Variants in DCC observed in about 807,000 individuals in gnomAD.
DCC encodes the protein DCC netrin 1 receptor.
A neutral mutation model predicts 172.5 loss-of-function variants in DCC; 58 were observed. The observed-to-expected ratio is 0.34, with a 90% CI of 0.27 to 0.42. The LOEUF (loss-of-function observed/expected upper bound fraction) is 0.42. Ranked by LOEUF, DCC falls within the 10% of genes least tolerant of loss-of-function variation. The probability of loss-of-function intolerance (pLI) is 1.00; values close to 1 mark genes in which losing one functional copy is unlikely to be tolerated. For synonymous variants in DCC, 709 were observed against 644.5 expected, an observed-to-expected ratio of 1.10 and a Z score of -1.52; for missense variants, 1,740 against 1,791.0, an observed-to-expected ratio of 0.97 and a Z score of 0.51.
chr18:52,918,895 G>C (rs894220288), intron 3 of DCC, among the ~76,000 whole-genome samples: 2 of 152,088 alleles, frequency 1.3e-5, no homozygotes, highest in African/African-American at 2.4e-5. Context: ...ATATATTTCA[G>C]TTATTTTTTG....
intron 2 of DCC, among the ~76,000 whole-genome samples, chr18:52,896,977 C>A (rs2039740847): frequency 6.6e-6 from 1 of 152,138 alleles, no homozygotes; most frequent in Admixed American, 6.6e-5. Context: ...CACCAGGGGT[C>A]CTGAGGATAT....
At chr18:53,091,839 CTATCTATCTATCAATCTATCTATA>C (rs1251118039) in intron 7 of DCC, among the ~76,000 whole-genome samples, 1,435 of 92,500 alleles carry the variant, frequency 0.016, 35 homozygotes, top group African/African-American at 0.058. Flanking sequence ...ATCTATCTAT[CTATCTATCTATCAATCTATCTATA>C]TATATATATA....
At chr18:52,935,180 T>C (rs1399216330) in intron 5 of DCC, among the ~76,000 whole-genome samples, 2 of 136,170 alleles carry the variant, frequency 1.5e-5, no homozygotes, top group Admixed American at 1.4e-4. Flanking sequence ...TGTAAAAAAT[T>C]CCCATTTACA....
chr18:52,457,902 A>G (rs1988507629), intron 1 of DCC, among the ~76,000 whole-genome samples: 1 of 61,584 alleles, frequency 1.6e-5, no homozygotes, highest in South Asian at 7.7e-4. Flanking sequence ...GGTTAAAACA[A>G]GCAAGCAAGC....
intron 2 of DCC, among the ~76,000 whole-genome samples, chr18:52,774,971 G>A (rs979762045): frequency 2.6e-5 from 4 of 152,178 alleles, no homozygotes; most frequent in African/African-American, 9.7e-5. Context: ...AGAGAAAAGA[G>A]AGAAAGTCTG....
At chr18:53,509,319 G>A (rs530775417) in intron 27 of DCC, among the ~76,000 whole-genome samples, 2 of 152,352 alleles carry the variant, frequency 1.3e-5, no homozygotes, top group Non-Finnish European at 2.9e-5. Context: ...GTTACAGTAT[G>A]GGTAATGTCC....
chr18:52,415,307 G>A (rs1271100570), intron 1 of DCC, among the ~76,000 whole-genome samples: 1 of 152,024 alleles, frequency 6.6e-6, no homozygotes, highest in Admixed American at 6.6e-5. Flanking sequence ...GCGGCATAGT[G>A]CCTCTGATTT....
intron 1 of DCC, among the ~76,000 whole-genome samples, chr18:52,349,139 A>G (rs1056878035): frequency 3.9e-5 from 6 of 152,214 alleles, no homozygotes; most frequent in East Asian, 1.9e-4. Flanking sequence ...TATGGCATAT[A>G]TAACTGTGGG....
At chr18:53,125,768 A>G (rs181363073) in intron 7 of DCC, among the ~76,000 whole-genome samples, 2 of 152,124 alleles carry the variant, frequency 1.3e-5, no homozygotes, top group Non-Finnish European at 1.5e-5. Context: ...GTACACACAG[A>G]CACAGTGCTT....
At chr18:53,298,500 C>CCTGCATGA (rs2057094913) in intron 12 of DCC, among the ~76,000 whole-genome samples, 1 of 130,500 alleles carries the variant, frequency 7.7e-6, no homozygotes, top group African/African-American at 2.9e-5. Flanking sequence ...TGCACTCCAG[C>CCTGCATGA]CTGGATGACA....
intron 2 of DCC, among the ~76,000 whole-genome samples, chr18:52,818,538 T>G (rs1170093289): frequency 6.6e-6 from 1 of 152,178 alleles, no homozygotes; most frequent in Non-Finnish European, 1.5e-5. Flanking sequence ...ATTCATAGTT[T>G]TATGCTTACT....
chr18:52,831,877 C>A (rs1180525734), intron 2 of DCC, among the ~76,000 whole-genome samples: 1 of 151,988 alleles, frequency 6.6e-6, no homozygotes, highest in East Asian at 1.9e-4. Flanking sequence ...AAGCCATGGG[C>A]AGCATGAGGT....
At chr18:53,050,769 A>T (rs1475399795) in intron 5 of DCC, among the ~76,000 whole-genome samples, 2 of 152,092 alleles carry the variant, frequency 1.3e-5, no homozygotes, top group African/African-American at 2.4e-5. Context: ...ATTTTATTTT[A>T]TCCTTCTACC....
chr18:53,453,197 G>A (rs922509044), intron 23 of DCC, among the ~76,000 whole-genome samples: 1 of 152,132 alleles, frequency 6.6e-6, no homozygotes, highest in African/African-American at 2.4e-5. Flanking sequence ...TTACAGGTGT[G>A]AGCCACCGCG....
chr18:52,534,549 C>T (rs145980317), intron 1 of DCC, among the ~76,000 whole-genome samples: 15 of 152,152 alleles, frequency 9.9e-5, no homozygotes, highest in Non-Finnish European at 1.3e-4. Context: ...TCATTTATTG[C>T]GCAAATATTT....
chr18:52,957,727 C>A (rs940749611), intron 5 of DCC, among the ~76,000 whole-genome samples: 3 of 152,056 alleles, frequency 2.0e-5, no homozygotes, highest in African/African-American at 4.8e-5. Flanking sequence ...ATAGCAAGAA[C>A]AAAGGCCAGG....
At chr18:52,776,787 C>G (rs2145176794) in intron 2 of DCC, among the ~76,000 whole-genome samples, 1 of 152,288 alleles carries the variant, frequency 6.6e-6, no homozygotes, top group South Asian at 2.1e-4. Flanking sequence ...AACAATGTTC[C>G]TTATTACTTT....
chr18:52,853,524 C>T (rs1598868766), intron 2 of DCC, among the ~76,000 whole-genome samples: 1 of 152,066 alleles, frequency 6.6e-6, no homozygotes, highest in Non-Finnish European at 1.5e-5. Flanking sequence ...ATCAGGAAAA[C>T]CAAATAGATG....
At chr18:52,342,615 C>G (rs527570102) in intron 1 of DCC, among the ~76,000 whole-genome samples, 1 of 152,088 alleles carries the variant, frequency 6.6e-6, no homozygotes, top group East Asian at 1.9e-4. Flanking sequence ...GAGACCTATG[C>G]GGACGGGAAA....
Sources: gnomAD v4.1 joint callset for allele counts (sites outside exome capture counted in the v4.1 genomes callset) on GRCh38, gnomAD v4.1.1 for gene constraint, MANE v1.5 for transcripts, NCBI Gene and HGNC (gene_info 2026-07-23, HGNC 2026-07-21) for gene names.